Variants in B3GLCT observed in about 807,000 individuals in gnomAD.
B3GLCT encodes beta 3-glucosyltransferase.
A neutral mutation model predicts 63.4 loss-of-function variants in B3GLCT; 65 were observed. The observed-to-expected ratio is 1.03, with a 90% CI of 0.84 to 1.26. The LOEUF (loss-of-function observed/expected upper bound fraction) is 1.26. B3GLCT is among the 50% of genes most tolerant of loss of function. The pLI, the probability that B3GLCT is intolerant of heterozygous loss-of-function variation, is 0.00. For synonymous variants in B3GLCT, 233 were observed against 219.2 expected (o/e 1.06, Z -0.55); for missense variants, 577 against 604.8 (o/e 0.95, Z 0.48).
At chr13:31,328,692 C>CA (rs34729471) in intron 14 of B3GLCT, among the ~76,000 whole-genome samples, 32,567 of 45,526 alleles carry the variant, frequency 0.72, 11,657 homozygotes, top group East Asian at 0.85. Context: ...AACTCCATCT[C>CA]AAAAAAAAAA....
intron 11 of B3GLCT, among the ~76,000 whole-genome samples, chr13:31,285,387 C>A (rs1404494249): frequency 6.6e-6 from 1 of 151,936 alleles, no homozygotes; most frequent in Non-Finnish European, 1.5e-5. Flanking sequence ...ATGGCTTCAC[C>A]AAAAGCCCAG....
chr13:31,214,499 C>T (rs1869452571), intron 1 of B3GLCT, among the ~76,000 whole-genome samples: 1 of 152,204 alleles, frequency 6.6e-6, no homozygotes, highest in South Asian at 2.1e-4. Flanking sequence ...ACTCTCCCGG[C>T]CCCATTGCCT....
intron 2 of B3GLCT, among the ~76,000 whole-genome samples, chr13:31,222,353 G>C (rs1227405869): frequency 6.6e-6 from 1 of 152,064 alleles, no homozygotes. Context: ...TGGGGTTACA[G>C]GTATGAGCCA....
intron 12 of B3GLCT, among the ~76,000 whole-genome samples, chr13:31,289,619 G>GA (rs58718938): frequency 4.7e-5 from 7 of 150,314 alleles, no homozygotes; most frequent in African/African-American, 1.2e-4. Context: ...CGTGCTAAAA[G>GA]AAAAAAAAAA....
intron 3 of B3GLCT, among the ~76,000 whole-genome samples, chr13:31,225,509 G>A (rs9529314): frequency 0.19 from 28,677 of 152,084 alleles, 2,833 homozygotes; most frequent in Non-Finnish European, 0.2. Context: ...TTTCAGCACC[G>A]AACTGTACTA....
intron 12 of B3GLCT, among the ~76,000 whole-genome samples, chr13:31,293,327 C>A (rs1873771304): frequency 6.6e-6 from 1 of 152,052 alleles, no homozygotes; most frequent in Non-Finnish European, 1.5e-5. Flanking sequence ...CTGCTTGGTC[C>A]AGAGCTGAGT....
intron 6 of B3GLCT, among the ~76,000 whole-genome samples, chr13:31,251,882 C>G (rs559445683): frequency 7.9e-5 from 12 of 152,086 alleles, no homozygotes; most frequent in African/African-American, 2.9e-4. Flanking sequence ...CAAAGATACT[C>G]CTCGAGAAGA....
At chr13:31,285,998 T>TGGTTTA (rs1873312767) in intron 11 of B3GLCT, among the ~76,000 whole-genome samples, 1 of 152,102 alleles carries the variant, frequency 6.6e-6, no homozygotes, top group South Asian at 2.1e-4. Context: ...TCAAATTGAG[T>TGGTTTA]GGTTTAATAG....
intron 8 of B3GLCT, among the ~76,000 whole-genome samples, chr13:31,271,359 T>G (rs1282977353): frequency 6.6e-6 from 1 of 152,228 alleles, no homozygotes; most frequent in Non-Finnish European, 1.5e-5. Flanking sequence ...AATTTATTTA[T>G]CCGTTCTCTT....
chr13:31,238,586 G>A (rs1292734895), intron 4 of B3GLCT, among the ~76,000 whole-genome samples: 1 of 152,204 alleles, frequency 6.6e-6, no homozygotes, highest in Non-Finnish European at 1.5e-5. Flanking sequence ...AAAGTAGATG[G>A]TAACTATTTC....
chr13:31,319,039 T>C (rs921298549), intron 13 of B3GLCT, among the ~76,000 whole-genome samples: 4 of 152,188 alleles, frequency 2.6e-5, no homozygotes, highest in Non-Finnish European at 5.9e-5. Context: ...GGTTGTTTAT[T>C]CGTTCAACTG....
At chr13:31,323,685 C>G in intron 13 of B3GLCT, 66 bp from the exon 14 acceptor site, 1 of 1,587,082 alleles carries the variant, frequency 6.3e-7, no homozygotes, top group Admixed American at 1.7e-5. Context: ...TTCCCGGGGC[C>G]CATTTGTGCA....
chr13:31,294,978 A>T (rs1873859500), intron 12 of B3GLCT, among the ~76,000 whole-genome samples: 1 of 146,358 alleles, frequency 6.8e-6, no homozygotes, highest in Non-Finnish European at 1.5e-5. Context: ...GATGTTGGTG[A>T]CCTTTGAATG....
At chr13:31,313,898 T>G (rs148062813) in intron 12 of B3GLCT, among the ~76,000 whole-genome samples, 19 of 152,254 alleles carry the variant, frequency 1.2e-4, no homozygotes, top group African/African-American at 4.6e-4. Context: ...AGGGTCCCCA[T>G]GCTGTGTGCA....
At chr13:31,326,840 A>T (rs1875650603) in intron 14 of B3GLCT, among the ~76,000 whole-genome samples, 1 of 152,212 alleles carries the variant, frequency 6.6e-6, no homozygotes, top group Non-Finnish European at 1.5e-5. Flanking sequence ...AATGACCAGT[A>T]AATTGTAATG....
intron 3 of B3GLCT, among the ~76,000 whole-genome samples, chr13:31,227,027 A>T (rs1298863352): frequency 2.0e-5 from 3 of 152,150 alleles, no homozygotes; most frequent in Non-Finnish European, 4.4e-5. Context: ...ATTTATGTTT[A>T]TATTGTTGCA....
chr13:31,265,944 A>T (rs917416156), intron 7 of B3GLCT, among the ~76,000 whole-genome samples: 1 of 152,148 alleles, frequency 6.6e-6, no homozygotes, highest in African/African-American at 2.4e-5. Flanking sequence ...AGTCATTTGC[A>T]CATCTGTAGC....
In B3GLCT at chr13:31,325,185, AG is replaced by A. The variant is rs150875470; in HGVS notation, c.1329+1291del. Among the ~76,000 whole-genome samples, 686 of 152,364 alleles carry A rather than the reference AG, an allele frequency of 4.5e-3. 7 individuals carry two copies. Among genetic ancestry groups the A allele is most frequent in the African/African-American group, 0.016 (658 of 41,590 alleles). ...TGAGACAATAAGAGAGGATAAAAAG[AG>A]ACCTTTAATATAAGGAAATGTATGA... On this transcript the variant is annotated intron_variant, in intron 14 of 14. Coordinates refer to ENST00000343307, the MANE Select transcript of B3GLCT (RefSeq NM_194318.4).
At position 31,317,569 on chromosome 13, in the gene B3GLCT, C is replaced by T. The variant is rs1012721428; in HGVS notation, c.1068C>T (p.Ile356=). The T allele has an allele frequency of 1.9e-6, 3 of 1,613,908 alleles. No individual in the cohort carries two copies. Among genetic ancestry groups the T allele is most frequent in the Non-Finnish European group, 8.5e-7 (1 of 1,179,954 alleles). ...TGTGTTCCCTTTGGCATCTCAGTAT[C>T]TCCAGGCTCCAGCACTTGCTTAGCT... The part of the protein sequence containing the change: ...VIVDDDTLIS[I]SRLQHLLSCY... The change falls in exon 13 of 15, where the codon ATC becomes ATT. Residue 356 remains isoleucine (I), a synonymous_variant. Coordinates refer to ENST00000343307, the MANE Select transcript of B3GLCT (RefSeq NM_194318.4).
Sources: allele counts gnomAD v4.1 joint callset (sites outside exome capture counted in the v4.1 genomes callset), GRCh38; gene constraint gnomAD v4.1.1; transcripts MANE v1.5; gene names NCBI Gene and HGNC (gene_info 2026-07-23, HGNC 2026-07-21).